The following FA2H variants were observed in gnomAD, a reference collection of about 807,000 sequenced individuals.
FA2H encodes the protein fatty acid 2-hydroxylase.
FA2H carries 22 observed loss-of-function variants against 44.9 expected under a neutral mutation model. The ratio of observed to expected loss-of-function variants is 0.49; its 90% CI spans 0.35 to 0.70. The LOEUF (loss-of-function observed/expected upper bound fraction) is 0.70, where lower values mean the gene tolerates loss of function less well. Among genes scored for constraint, FA2H ranks in the 30% least tolerant of loss-of-function variants. FA2H has a pLI of 0.01. For missense variants in FA2H, 501 were observed against 504.9 expected (o/e 0.99, Z 0.07); for synonymous variants, 243 against 213.2 (o/e 1.14, Z -1.22).
Position 74,716,539 on chromosome 16 carries a change from C to T in FA2H, c.847G>A (p.Val283Ile), listed in dbSNP as rs138244546. The T allele has an allele frequency of 4.0e-4, 650 of 1,609,316 alleles. 2 individuals carry two copies. The African/African-American group carries it at 7.3e-3, about 18-fold the overall frequency. The change falls in exon 6 of 7, where the codon GTC (valine) becomes ATC (isoleucine). Residue 283 changes from valine (V) to isoleucine (I), a missense_variant. Coordinates refer to ENST00000219368, the MANE Select transcript of FA2H (RefSeq NM_024306.5). ...PPVPASLVIG[V>I]FYLCMQLILP... ...ATGAGCTGCATGCACAAGTAGAAGA[C>T]GCCGATCACCAGGGAGGCTGGCACA...
intron 1 of FA2H, among the ~76,000 whole-genome samples, chr16:74,754,909 T>C (rs7189427): frequency 0.1 from 15,162 of 151,918 alleles, 902 homozygotes; most frequent in African/African-American, 0.16. Context: ...ATGACTAGCA[T>C]CCTCCTAAGA....
Position 74,761,610 on chromosome 16 carries a change from T to C in FA2H, c.270+12876A>G, listed in dbSNP as rs192484978. Among the ~76,000 whole-genome samples the C allele has an allele frequency of 8.8e-3, 1,345 of 152,344 alleles. 11 individuals carry two copies. Among genetic ancestry groups the C allele is most frequent in the Non-Finnish European group, 0.017 (1,123 of 68,040 alleles). On this transcript the variant is annotated intron_variant, in intron 1 of 6. Transcript: ENST00000219368. ...AAGTTGCAAAAGACAGCAAAAATCA[T>C]GTAGATATTTATGAGTCAGTTGTTT...
intron 1 of FA2H, among the ~76,000 whole-genome samples, chr16:74,759,914 G>A (rs181359489): frequency 2.8e-4 from 43 of 152,230 alleles, no homozygotes; most frequent in Admixed American, 1.2e-3. Context: ...CCCATGGCAA[G>A]TTTTTTTAGG....
At chr16:74,752,949 G>C (rs910996877) in intron 1 of FA2H, among the ~76,000 whole-genome samples, 1 of 152,228 alleles carries the variant, frequency 6.6e-6, no homozygotes, top group African/African-American at 2.4e-5. Context: ...GGCTCCTCCA[G>C]GGGTGCACAG....
At chr16:74,742,386 G>A (rs543839403) in intron 1 of FA2H, among the ~76,000 whole-genome samples, 20 of 152,172 alleles carry the variant, frequency 1.3e-4, no homozygotes, top group African/African-American at 4.6e-4. Flanking sequence ...ACTCTGGGCT[G>A]GATAGGACAG....
At chr16:74,758,583 T>A (rs1034290155) in intron 1 of FA2H, among the ~76,000 whole-genome samples, 2 of 152,096 alleles carry the variant, frequency 1.3e-5, no homozygotes, top group Non-Finnish European at 2.9e-5. Flanking sequence ...AACTTTGACA[T>A]CAATCCTAAC....
chr16:74,714,501 T>C (rs1961650511), intron 6 of FA2H, among the ~76,000 whole-genome samples: 1 of 152,134 alleles, frequency 6.6e-6, no homozygotes, highest in African/African-American at 2.4e-5. Context: ...CTGGCCTTCG[T>C]TTCTAGGCTA....
At chr16:74,745,849 T>C (rs1167273942) in intron 1 of FA2H, among the ~76,000 whole-genome samples, 1 of 144,224 alleles carries the variant, frequency 6.9e-6, no homozygotes, top group Non-Finnish European at 1.5e-5. Context: ...TCTGTAGCCC[T>C]GGCTAGAATG....
chr16:74,736,101 G>A (rs1050785687), intron 2 of FA2H, among the ~76,000 whole-genome samples: 24 of 152,334 alleles, frequency 1.6e-4, no homozygotes, highest in Non-Finnish European at 3.1e-4. Context: ...TAAGACCCAC[G>A]GAAGCAGAGG....
intron 1 of FA2H, among the ~76,000 whole-genome samples, chr16:74,761,318 C>T (rs1962704100): frequency 6.6e-6 from 1 of 151,738 alleles, no homozygotes; most frequent in Non-Finnish European, 1.5e-5. Flanking sequence ...CCGGGCATGG[C>T]GGCATACACC....
At chr16:74,739,446 C>G (rs930186700) in intron 2 of FA2H, among the ~76,000 whole-genome samples, 3 of 152,132 alleles carry the variant, frequency 2.0e-5, no homozygotes, top group Non-Finnish European at 4.4e-5. Context: ...CTCAGCTCCT[C>G]CAGGGCTCAT....
chr16:74,733,998 C>T (rs1459257272), intron 2 of FA2H, among the ~76,000 whole-genome samples: 1 of 152,198 alleles, frequency 6.6e-6, no homozygotes, highest in Non-Finnish European at 1.5e-5. Flanking sequence ...GGCACCACGC[C>T]CTTCCACCCA....
chr16:74,758,827 C>T (rs781568652), intron 1 of FA2H, among the ~76,000 whole-genome samples: 1 of 152,156 alleles, frequency 6.6e-6, no homozygotes, highest in Non-Finnish European at 1.5e-5. Context: ...TGAAACAGTC[C>T]AGGAAAAATC....
intron 2 of FA2H, among the ~76,000 whole-genome samples, chr16:74,734,687 C>G (rs144517988): frequency 6.6e-6 from 1 of 152,206 alleles, no homozygotes; most frequent in Non-Finnish European, 1.5e-5. Flanking sequence ...TCCTCCTCCC[C>G]CTCCCCAGGA....
chr16:74,756,971 G>T (rs1239276248), intron 1 of FA2H, among the ~76,000 whole-genome samples: 5 of 151,902 alleles, frequency 3.3e-5, no homozygotes, highest in Middle Eastern at 3.4e-3. Context: ...AAATCTTAAA[G>T]TAGGGGCAGA....
At position 74,764,986 on chromosome 16, in the gene FA2H, C is replaced by T. The variant is rs76402067; in HGVS notation, c.270+9500G>A. Among the ~76,000 whole-genome samples, 1,509 of 152,172 alleles carry T rather than the reference C, an allele frequency of 9.9e-3. 22 individuals carry two copies. Among genetic ancestry groups the T allele is most frequent in the African/African-American group, 0.033 (1,385 of 41,498 alleles). Reference sequence around the variant, plus strand: ...CTTCACTTCTAACCCCTGAAGGAGACTCATGGGACGGGTAGACTGTAAGAG... The same window carrying T: ...CTTCACTTCTAACCCCTGAAGGAGATTCATGGGACGGGTAGACTGTAAGAG... On this transcript the variant is annotated intron_variant, in intron 1 of 6. Transcript: ENST00000219368.
chr16:74,766,675 C>T (rs1469749240), intron 1 of FA2H, among the ~76,000 whole-genome samples: 2 of 152,128 alleles, frequency 1.3e-5, no homozygotes, highest in Non-Finnish European at 2.9e-5. Context: ...ACAGGTGGTC[C>T]AAGCCATTGG....
At chr16:74,727,424 C>T (rs569006591) in intron 2 of FA2H, 38 bp from the exon 3 acceptor site, 10 of 1,608,274 alleles carry the variant, frequency 6.2e-6, no homozygotes, top group African/African-American at 2.7e-5. Context: ...TTGATATTCA[C>T]GTCTTCCCAT....
rs1285595223 is a variant in FA2H at position 74,719,097 on chromosome 16, C to T, written c.677G>A (p.Trp226Ter). Reference sequence around the variant, plus strand: ...GTGGATGAGGTACTCGATGAGGCTCCAGAGGAATGTCCCCAGCATGAAGAG... The same window carrying T: ...GTGGATGAGGTACTCGATGAGGCTCTAGAGGAATGTCCCCAGCATGAAGAG... Reference protein sequence around the residue: ...PGLFMLGTFLWSLIEYLIHRF... With the variant: ...PGLFMLGTFL The change falls in exon 5 of 7, where the codon TGG (tryptophan) becomes TAG (stop). Residue 226 changes from tryptophan (W) to a stop codon, truncating the protein, a stop_gained. Coordinates refer to ENST00000219368, the MANE Select transcript of FA2H (RefSeq NM_024306.5). LOFTEE classifies it high-confidence loss of function. 3 of 1,613,894 alleles carry T rather than the reference C, an allele frequency of 1.9e-6. No homozygotes were observed. Among genetic ancestry groups the T allele is most frequent in the Non-Finnish European group, 2.5e-6 (3 of 1,180,030 alleles).
Sources: gnomAD v4.1 joint callset for allele counts (sites outside exome capture counted in the v4.1 genomes callset) on GRCh38, gnomAD v4.1.1 for gene constraint, MANE v1.5 for transcripts, NCBI Gene and HGNC (gene_info 2026-07-23, HGNC 2026-07-21) for gene names.